Variants in NALF1 observed in about 807,000 individuals in gnomAD.
NALF1 encodes family with sequence similarity 155 member A.
A neutral mutation model predicts 48.4 loss-of-function variants in NALF1; 3 were observed. That is an observed-to-expected ratio of 0.06 (90% confidence interval 0.03 to 0.16). The LOEUF (loss-of-function observed/expected upper bound fraction) is 0.16. Among genes scored for constraint, NALF1 ranks in the 10% least tolerant of loss-of-function variants. The probability of loss-of-function intolerance (pLI) is 1.00; values close to 1 mark genes in which losing one functional copy is unlikely to be tolerated. For missense variants in NALF1, 526 were observed against 571.5 expected, an observed-to-expected ratio of 0.92 and a Z score of 0.81; for synonymous variants, 262 against 245.7, an observed-to-expected ratio of 1.07 and a Z score of -0.62.
intron 1 of NALF1, among the ~76,000 whole-genome samples, chr13:107,292,049 C>G (rs1262180923): frequency 6.6e-6 from 1 of 152,182 alleles, no homozygotes; most frequent in African/African-American, 2.4e-5. Context: ...GGAATTCCAT[C>G]ACTGTGCAAA....
chr13:107,320,875 T>A (rs1039496414), intron 1 of NALF1: 1 of 153,094 alleles, frequency 6.5e-6, no homozygotes, highest in Non-Finnish European at 1.5e-5. Context: ...TTTTAAAAAA[T>A]TATTTTTATT....
At chr13:107,274,284 CT>C (rs1471519595) in intron 1 of NALF1, among the ~76,000 whole-genome samples, 1 of 152,098 alleles carries the variant, frequency 6.6e-6, no homozygotes, top group East Asian at 1.9e-4. Context: ...ATAAGATCAT[CT>C]TGCAAAGCAA....
chr13:107,691,147 A>G (rs1269931130), intron 1 of NALF1, among the ~76,000 whole-genome samples: 1 of 152,196 alleles, frequency 6.6e-6, no homozygotes, highest in African/African-American at 2.4e-5. Context: ...GAGAATGTCA[A>G]ATGAAGATGA....
intron 1 of NALF1, among the ~76,000 whole-genome samples, chr13:107,585,108 G>A (rs956092741): frequency 6.6e-6 from 1 of 152,022 alleles, no homozygotes; most frequent in African/African-American, 2.4e-5. Context: ...AATCTCCTTT[G>A]AACGAAAGAG....
At chr13:107,585,283 C>T (rs1198709290) in intron 1 of NALF1, among the ~76,000 whole-genome samples, 1 of 150,382 alleles carries the variant, frequency 6.6e-6, no homozygotes, top group Non-Finnish European at 1.5e-5. Flanking sequence ...TTTAACCAAC[C>T]AAACAAACCA....
chr13:107,816,119 C>A (rs1566493187), intron 1 of NALF1, among the ~76,000 whole-genome samples: 1 of 152,052 alleles, frequency 6.6e-6, no homozygotes, highest in Non-Finnish European at 1.5e-5. Context: ...AAAGAGGAGA[C>A]TTGAGCAAAC....
intron 1 of NALF1, among the ~76,000 whole-genome samples, chr13:107,258,944 G>C (rs1389483047): frequency 1.3e-5 from 2 of 152,168 alleles, no homozygotes; most frequent in Non-Finnish European, 2.9e-5. Context: ...CCCTATGACA[G>C]GCGTGAGCCA....
chr13:107,273,612 G>A (rs1881219801), intron 1 of NALF1, among the ~76,000 whole-genome samples: 1 of 152,128 alleles, frequency 6.6e-6, no homozygotes, highest in Admixed American at 6.5e-5. Context: ...AGAACATGAT[G>A]CTTTTGTTCC....
chr13:107,415,897 T>C (rs1309854149), intron 1 of NALF1, among the ~76,000 whole-genome samples: 1 of 152,218 alleles, frequency 6.6e-6, no homozygotes, highest in African/African-American at 2.4e-5. Flanking sequence ...ATATCCGACA[T>C]GTAAGACCTT....
intron 1 of NALF1, among the ~76,000 whole-genome samples, chr13:107,642,210 G>C (rs530206036): frequency 6.6e-6 from 1 of 152,272 alleles, no homozygotes; most frequent in African/African-American, 2.4e-5. Flanking sequence ...GGAAGTAGTT[G>C]CCATAATTCA....
At position 107,556,615 on chromosome 13, in the gene NALF1, C is replaced by T. The variant is rs902224749; in HGVS notation, c.915+309067G>A. Among the ~76,000 whole-genome samples the T allele has an allele frequency of 3.3e-5, 5 of 152,034 alleles. No homozygotes were observed. The East Asian group carries it at 9.7e-4, about 29-fold the overall frequency. On this transcript the variant is annotated intron_variant, in intron 1 of 2. Transcript: ENST00000375915. ...CAAGCTATTTTCCTGTCTCAGCCTCCCAAGTAGCTCGGATTACAGGCATGC... is the reference window on the plus strand; with the variant it reads ...CAAGCTATTTTCCTGTCTCAGCCTCTCAAGTAGCTCGGATTACAGGCATGC...
At chr13:107,581,710 G>A (rs1298157020) in intron 1 of NALF1, among the ~76,000 whole-genome samples, 1 of 152,142 alleles carries the variant, frequency 6.6e-6, no homozygotes, top group East Asian at 1.9e-4. Context: ...GCCCTGTACA[G>A]CTCATAAGCA....
At chr13:107,736,557 C>A (rs1876474839) in intron 1 of NALF1, among the ~76,000 whole-genome samples, 1 of 152,186 alleles carries the variant, frequency 6.6e-6, no homozygotes, top group Non-Finnish European at 1.5e-5. Flanking sequence ...CTCGAAAGAA[C>A]TCCAAACTAC....
intron 2 of NALF1, among the ~76,000 whole-genome samples, chr13:107,208,915 AC>A (rs955249933): frequency 6.6e-6 from 1 of 151,860 alleles, no homozygotes; most frequent in African/African-American, 2.4e-5. Context: ...GAGAGGAGCT[AC>A]ATAAAAAATG....
chr13:107,184,627 T>C lies in NALF1; in HGVS notation c.1088-13841A>G, dbSNP rs142043500. ...TTTTCTATCTAAATTCATTTTCATG[T>C]TTTCCTGCATCCTAGCTAAATTCCG... On this transcript the variant is annotated intron_variant, in intron 2 of 2. Transcript: ENST00000375915. Among the ~76,000 whole-genome samples, 189 of 152,326 alleles carry C rather than the reference T, an allele frequency of 1.2e-3. 3 individuals are homozygous for C. In the East Asian group the frequency reaches 0.032, roughly 26 times the overall value.
intron 1 of NALF1, among the ~76,000 whole-genome samples, chr13:107,535,968 A>C (rs76953102): frequency 0.19 from 29,412 of 152,110 alleles, 4,111 homozygotes; most frequent in African/African-American, 0.36. Flanking sequence ...CAAAAACAAG[A>C]AATGGGGAAA....
intron 1 of NALF1, among the ~76,000 whole-genome samples, chr13:107,386,907 A>C (rs1883540622): frequency 6.6e-6 from 1 of 152,220 alleles, no homozygotes; most frequent in Non-Finnish European, 1.5e-5. Context: ...TGTTGGAAAG[A>C]AACTACAAGC....
At position 107,866,375 on chromosome 13, in the gene NALF1, CTGCTGG is replaced by C. The variant is rs766362085; in HGVS notation, c.216_221del (p.His72_Gln73del). ...GCTGCTGCTGCTGCTGCCGCTGCTGCTGCTGGTGCTCCTTGTCCCGGGCCCGGGTCA... is the reference window on the plus strand; with the variant it reads ...GCTGCTGCTGCTGCTGCCGCTGCTGCTGCTCCTTGTCCCGGGCCCGGGTCA... On this transcript the variant is annotated inframe_deletion, in exon 1 of 3. Coordinates refer to ENST00000375915, the MANE Select transcript of NALF1 (RefSeq NM_001080396.3). The surrounding 1 kb of genome is among the most constrained non-coding windows in gnomAD (Gnocchi z 4.4). The C allele has an allele frequency of 2.3e-5, 34 of 1,479,450 alleles. No homozygotes were observed. The African/African-American group carries it at 2.7e-4, about 12-fold the overall frequency. 91.6% of individuals were successfully genotyped at this position (1,479,450 alleles called of 1,614,324 possible).
At chr13:107,565,032 C>T (rs937606411) in intron 1 of NALF1, among the ~76,000 whole-genome samples, 2 of 48,238 alleles carry the variant, frequency 4.1e-5, no homozygotes, top group African/African-American at 1.6e-4. Flanking sequence ...GCTGTATAAA[C>T]ACAAAGAAGT....
Sources: gnomAD v4.1 joint callset for allele counts (sites outside exome capture counted in the v4.1 genomes callset) on GRCh38, gnomAD v4.1.1 for gene constraint, Gnocchi (gnomAD v3.1) non-coding constraint, MANE v1.5 for transcripts, NCBI Gene and HGNC (gene_info 2026-07-23, HGNC 2026-07-21) for gene names.